The following CCSER1 variants were observed in gnomAD, a reference collection of about 807,000 sequenced individuals.
CCSER1 encodes the protein serine-rich coiled-coil domain-containing protein 1.
CCSER1 carries 41 observed loss-of-function variants against 82.0 expected under a neutral mutation model. The ratio of observed to expected loss-of-function variants is 0.50; its 90% CI spans 0.39 to 0.65. The LOEUF (loss-of-function observed/expected upper bound fraction) is 0.65, where lower values mean the gene tolerates loss of function less well. CCSER1 is among the 30% of genes least tolerant of loss of function. The pLI, the probability that CCSER1 is intolerant of heterozygous loss-of-function variation, is 0.00. For synonymous variants in CCSER1, 414 were observed against 383.9 expected (o/e 1.08, Z -0.92); for missense variants, 1,119 against 1,064.2 (o/e 1.05, Z -0.72).
intron 10 of CCSER1, among the ~76,000 whole-genome samples, chr4:91,561,704 TTTA>T (rs1362398335): frequency 6.6e-6 from 1 of 151,492 alleles, no homozygotes. Flanking sequence ...AATAAATGTT[TTTA>T]TTTCTAAAAA....
intron 5 of CCSER1, among the ~76,000 whole-genome samples, chr4:90,544,496 C>A (rs1408375081): frequency 2.0e-5 from 3 of 152,116 alleles, no homozygotes; most frequent in Admixed American, 6.6e-5. Context: ...ATTTTCTCTG[C>A]AACCCTGCAT....
chr4:90,697,069 A>G (rs577263312), intron 6 of CCSER1, among the ~76,000 whole-genome samples: 1 of 152,172 alleles, frequency 6.6e-6, no homozygotes, highest in Admixed American at 6.6e-5. Context: ...GCAAAGAGCT[A>G]TGAGACTGTG....
At chr4:91,009,453 G>A (rs190147555) in intron 9 of CCSER1, among the ~76,000 whole-genome samples, 3 of 152,176 alleles carry the variant, frequency 2.0e-5, no homozygotes, top group African/African-American at 7.2e-5. Context: ...GCGTTTAAAG[G>A]TGGATGCAGT....
intron 3 of CCSER1, among the ~76,000 whole-genome samples, chr4:90,362,336 C>T (rs973548062): frequency 6.6e-6 from 1 of 152,106 alleles, no homozygotes; most frequent in Admixed American, 6.6e-5. Context: ...AAATGACATG[C>T]TGAAGGTATT....
In CCSER1 at chr4:90,715,855, A is replaced by G. The variant is rs144165663; in HGVS notation, c.1933-8059A>G. Reference sequence around the variant, plus strand: ...GCCCAGTAATTTCACATCTCAAAATATATCTTATAGGTAAATTTGCAGAAA... The same window carrying G: ...GCCCAGTAATTTCACATCTCAAAATGTATCTTATAGGTAAATTTGCAGAAA... On this transcript the variant is annotated intron_variant, in intron 6 of 10. Transcript: ENST00000509176. Among the ~76,000 whole-genome samples the G allele has an allele frequency of 4.7e-4, 71 of 152,112 alleles. 1 individual carries two copies. The East Asian group carries it at 0.011, about 24-fold the overall frequency.
At chr4:90,395,969 T>C (rs2153541731) in intron 3 of CCSER1, among the ~76,000 whole-genome samples, 1 of 151,016 alleles carries the variant, frequency 6.6e-6, no homozygotes, top group East Asian at 2.0e-4. Flanking sequence ...TAATCCCAGC[T>C]ACTCTGGAGG....
intron 10 of CCSER1, among the ~76,000 whole-genome samples, chr4:91,170,486 A>G (rs1409513738): frequency 2.0e-5 from 3 of 152,100 alleles, no homozygotes; most frequent in Non-Finnish European, 2.9e-5. Flanking sequence ...ATCATGAATA[A>G]CCTCTCATAG....
chr4:91,507,544 T>A (rs966449316), intron 10 of CCSER1, among the ~76,000 whole-genome samples: 1 of 152,064 alleles, frequency 6.6e-6, no homozygotes, highest in Non-Finnish European at 1.5e-5. Flanking sequence ...TTCTCCTGCC[T>A]CTACGTATCA....
Position 90,540,009 on chromosome 4 carries a change from C to G in CCSER1, c.1724+71655C>G, listed in dbSNP as rs117863563. Among the ~76,000 whole-genome samples, 962 of 152,058 alleles carry G rather than the reference C, an allele frequency of 6.3e-3. 11 individuals are homozygous for G. The highest frequency in any genetic ancestry group is 0.019 in the African/African-American group (796 of 41,496). The stretch of plus-strand genomic sequence containing the variant: ...AGCATGGAAATGGCAAGAAACAGGG[C>G]AATTTCAGACACTGACCATAAGTTA... On this transcript the variant is annotated intron_variant, in intron 5 of 10. Coordinates refer to ENST00000509176, the MANE Select transcript of CCSER1 (RefSeq NM_001145065.2).
rs112898044 is a variant in CCSER1, at chr4:90,501,910, C to T, written c.1724+33556C>T. Among the ~76,000 whole-genome samples, 681 of 152,090 alleles carry T rather than the reference C, an allele frequency of 4.5e-3. 3 individuals carry two copies. The highest frequency in any genetic ancestry group is 0.02 in the Middle Eastern group (6 of 294). Reference sequence around the variant, plus strand: ...AAATAAATTTATCATCTTTTATCAACGGTTAGCTGTCATAATTGCTGATAG... The same window carrying T: ...AAATAAATTTATCATCTTTTATCAATGGTTAGCTGTCATAATTGCTGATAG... On this transcript the variant is annotated intron_variant, in intron 5 of 10. Transcript: ENST00000509176.
In CCSER1 at chr4:90,499,198, C is replaced by T. The variant is rs1431229896; in HGVS notation, c.1724+30844C>T. On this transcript the variant is annotated intron_variant, in intron 5 of 10. Transcript: ENST00000509176. ...AGGCTTTATTACCATATGGCTGAAT[C>T]GATGCCCTAATTTCAAATTGTTAAT... Among the ~76,000 whole-genome samples, 6 of 151,776 alleles carry T rather than the reference C, an allele frequency of 4.0e-5. No homozygotes were observed. The East Asian group carries it at 9.7e-4, about 25-fold the overall frequency.
Position 90,220,855 on chromosome 4 carries a change from T to C in CCSER1, c.-41-87389T>C, listed in dbSNP as rs1393370086. On this transcript the variant is annotated intron_variant, in intron 1 of 10. Coordinates refer to ENST00000509176, the MANE Select transcript of CCSER1 (RefSeq NM_001145065.2). ...CACCACAATCACACAGAAATACATATTTTAATAACCTCTGGATTTTAATTT... is the reference window on the plus strand; with the variant it reads ...CACCACAATCACACAGAAATACATACTTTAATAACCTCTGGATTTTAATTT... 2.6e-5 allele frequency among the ~76,000 whole-genome samples: 4 copies of C among 152,208 alleles called. No individual in the cohort carries two copies. The South Asian group carries it at 6.2e-4, about 24-fold the overall frequency.
chr4:91,002,933 C>T (rs921999244), intron 9 of CCSER1, among the ~76,000 whole-genome samples: 28 of 152,284 alleles, frequency 1.8e-4, no homozygotes, highest in Admixed American at 7.2e-4. Flanking sequence ...TTTTGTCCCA[C>T]GGCATGTTCC....
chr4:90,276,348 CTTTTTTT>C (rs1219049059), intron 1 of CCSER1, among the ~76,000 whole-genome samples: 1 of 91,502 alleles, frequency 1.1e-5, no homozygotes, highest in Non-Finnish European at 2.3e-5. Context: ...TTCTTTCTTT[CTTTTTTT>C]TTTTTTTTGG....
intron 3 of CCSER1, among the ~76,000 whole-genome samples, chr4:90,345,592 C>T (rs1742173901): frequency 6.6e-6 from 1 of 152,008 alleles, no homozygotes; most frequent in South Asian, 2.1e-4. Context: ...GAAATAATTA[C>T]TGCTTGGAAA....
intron 10 of CCSER1, among the ~76,000 whole-genome samples, chr4:91,298,390 G>A (rs1010642206): frequency 3.3e-5 from 5 of 151,986 alleles, no homozygotes; most frequent in Non-Finnish European, 5.9e-5. Context: ...ATATGATGCC[G>A]TATGTGGGAG....
intron 9 of CCSER1, among the ~76,000 whole-genome samples, chr4:90,941,564 A>T (rs1731585338): frequency 6.6e-6 from 1 of 152,148 alleles, no homozygotes; most frequent in Non-Finnish European, 1.5e-5. Context: ...TAGAAGTAGA[A>T]ATGTCCAAAT....
At chr4:91,219,328 TTTTTA>T (rs1171227728) in intron 10 of CCSER1, among the ~76,000 whole-genome samples, 13 of 146,040 alleles carry the variant, frequency 8.9e-5, no homozygotes, top group African/African-American at 2.7e-4. Flanking sequence ...TTTTTTTTTT[TTTTTA>T]AAACAGTCTC....
intron 3 of CCSER1, among the ~76,000 whole-genome samples, chr4:90,321,568 A>G (rs1737168612): frequency 6.6e-6 from 1 of 152,064 alleles, no homozygotes; most frequent in African/African-American, 2.4e-5. Flanking sequence ...CTTTTTTCCG[A>G]GTGCATACTT....
Sources: allele counts gnomAD v4.1 joint callset (sites outside exome capture counted in the v4.1 genomes callset), GRCh38; gene constraint gnomAD v4.1.1; transcripts MANE v1.5; gene names NCBI Gene and HGNC (gene_info 2026-07-23, HGNC 2026-07-21).